The following ATP10A variants were observed in gnomAD, a reference collection of about 807,000 sequenced individuals.
ATP10A encodes phospholipid-transporting ATPase VA.
ATP10A carries 111 observed loss-of-function variants against 147.8 expected under a neutral mutation model. The ratio of observed to expected loss-of-function variants is 0.75; its 90% CI spans 0.64 to 0.88. The LOEUF (loss-of-function observed/expected upper bound fraction) is 0.88. Ranked by LOEUF, ATP10A falls within the 40% of genes least tolerant of loss-of-function variation. The probability of loss-of-function intolerance (pLI) is 0.00; values close to 1 mark genes in which losing one functional copy is unlikely to be tolerated. For missense variants in ATP10A, 1,927 were observed against 1,959.0 expected (o/e 0.98, Z 0.31); for synonymous variants, 875 against 841.6 (o/e 1.04, Z -0.69).
chr15:25,727,120 C>T (rs751457391), intron 4 of ATP10A, 40 bp downstream of exon 4: 9 of 1,428,222 alleles, frequency 6.3e-6, no homozygotes, highest in South Asian at 3.4e-5. Flanking sequence ...GAGAACACAG[C>T]GCTGTCTGGC....
chr15:25,755,477 T>C (rs941995800), intron 2 of ATP10A, among the ~76,000 whole-genome samples: 4 of 152,208 alleles, frequency 2.6e-5, no homozygotes, highest in Admixed American at 1.3e-4. Flanking sequence ...TTCAGCTCCA[T>C]GGCAACCAAC....
intron 13 of ATP10A, among the ~76,000 whole-genome samples, chr15:25,695,994 G>A (rs1900316125): frequency 6.6e-6 from 1 of 152,076 alleles, no homozygotes; most frequent in African/African-American, 2.4e-5. Context: ...GGATTCCAGA[G>A]AAAGGAGGAA....
chr15:25,679,540 G>A lies in ATP10A; in HGVS notation c.4301C>T (p.Thr1434Ile). 6.2e-7 allele frequency: 1 copy of A among 1,613,134 alleles called. No individual in the cohort carries two copies. The highest frequency in any genetic ancestry group is 8.5e-7 in the Non-Finnish European group (1 of 1,179,262). The change falls in exon 21 of 21, where the codon ACC (threonine) becomes ATC (isoleucine). Residue 1434 changes from threonine to isoleucine, a missense_variant. By Grantham distance (89) the Thr-to-Ile change is moderately conservative. Coordinates refer to ENST00000555815, the MANE Select transcript of ATP10A (RefSeq NM_024490.4). ...GGAAATCCAGTTGAGTAAGCTGAAG[G>A]TAGGCAGGCTGAAGAGGGAAGACAG... ...TPLSSLFSLP[T>I]FSLLNWISSW...
chr15:25,770,223 C>G lies in ATP10A; in HGVS notation c.654+10796G>C, dbSNP rs1347152626. Among the ~76,000 whole-genome samples, 5 of 151,660 alleles carry G rather than the reference C, an allele frequency of 3.3e-5. No individual in the cohort carries two copies. The East Asian group carries it at 9.7e-4, about 29-fold the overall frequency. The stretch of plus-strand genomic sequence containing the variant: ...CGACCCGGGCGAGGTGGGGAGGGGC[C>G]CCACCCATGTTTTCAGCCATTCCAG... On this transcript the variant is annotated intron_variant, in intron 2 of 20. Transcript: ENST00000555815.
rs907665092 is a variant in ATP10A at position 25,725,918 on chromosome 15, C to G, written c.979+33G>C. ...CGGGCACGAGCCACTGCGCCTGGCC[C>G]CCACTCATTTCCGATCCATCTAGGA... On this transcript the variant is annotated intron_variant, in intron 5 of 20. Coordinates refer to ENST00000555815, the MANE Select transcript of ATP10A (RefSeq NM_024490.4). 4.4e-6 allele frequency: 7 copies of G among 1,586,902 alleles called. No individual in the cohort carries two copies. In the African/African-American group the frequency reaches 6.7e-5, roughly 15 times the overall value.
rs144544181 is a variant in ATP10A at position 25,836,446 on chromosome 15, C to T, written c.449+26202G>A. On this transcript the variant is annotated intron_variant, in intron 1 of 20. Transcript: ENST00000555815. Reference sequence around the variant, plus strand: ...AGAAACACACCCAACAACAGAGTGGCAACACTGGCTGCAAAATGAGAAGCA... The same window carrying T: ...AGAAACACACCCAACAACAGAGTGGTAACACTGGCTGCAAAATGAGAAGCA... 7.8e-3 allele frequency among the ~76,000 whole-genome samples: 1,187 copies of T among 152,268 alleles called. 14 individuals are homozygous for T. Among genetic ancestry groups the T allele is most frequent in the African/African-American group, 0.026 (1,069 of 41,554 alleles).
chr15:25,815,328 C>T (rs1023597724), intron 1 of ATP10A, among the ~76,000 whole-genome samples: 1 of 152,198 alleles, frequency 6.6e-6, no homozygotes, highest in East Asian at 1.9e-4. Flanking sequence ...GATGTGACCA[C>T]GGGCAGGCTG....
intron 1 of ATP10A, among the ~76,000 whole-genome samples, chr15:25,818,287 T>G (rs974184009): frequency 6.6e-6 from 1 of 152,184 alleles, no homozygotes; most frequent in Non-Finnish European, 1.5e-5. Context: ...ATATTTGCTC[T>G]TTATAGGAGA....
chr15:25,694,795 C>T (rs754912285), intron 14 of ATP10A, 24 bp downstream of exon 14: 21 of 1,580,896 alleles, frequency 1.3e-5, no homozygotes, highest in African/African-American at 2.7e-5. Context: ...GGGAGGAGGC[C>T]GTCTGGCCAG....
At chr15:25,826,460 G>T (rs922723096) in intron 1 of ATP10A, among the ~76,000 whole-genome samples, 3 of 152,140 alleles carry the variant, frequency 2.0e-5, no homozygotes, top group Non-Finnish European at 4.4e-5. Context: ...TACTTGAGAG[G>T]CTGAGGTGGG....
At chr15:25,688,387 G>A (rs8043031) in intron 15 of ATP10A, among the ~76,000 whole-genome samples, 7,791 of 152,206 alleles carry the variant, frequency 0.051, 243 homozygotes, top group East Asian at 0.13. Flanking sequence ...CGCCGGGTGC[G>A]GGCAGTGGCC....
intron 1 of ATP10A, among the ~76,000 whole-genome samples, chr15:25,807,034 G>T (rs1317228579): frequency 6.6e-6 from 1 of 152,236 alleles, no homozygotes; most frequent in South Asian, 2.1e-4. Flanking sequence ...CCACCGGGCT[G>T]GAAAGAGCAG....
intron 1 of ATP10A, among the ~76,000 whole-genome samples, chr15:25,791,854 T>C (rs904679852): frequency 1.3e-5 from 2 of 152,244 alleles, no homozygotes; most frequent in Non-Finnish European, 2.9e-5. Context: ...CATAATTTTG[T>C]TATATAATCC....
intron 17 of ATP10A, among the ~76,000 whole-genome samples, chr15:25,683,056 TG>T (rs1289236834): frequency 6.6e-6 from 1 of 152,144 alleles, no homozygotes; most frequent in African/African-American, 2.4e-5. Flanking sequence ...GGGCTTTTCT[TG>T]GGCTCCTGGA....
chr15:25,707,996 T>C lies in ATP10A; in HGVS notation c.2555A>G (p.Glu852Gly). The C allele has an allele frequency of 1.2e-6, 2 of 1,614,196 alleles. No individual in the cohort carries two copies. The highest frequency in any genetic ancestry group is 1.7e-6 in the Non-Finnish European group (2 of 1,180,042). The change falls in exon 12 of 21, where the codon GAG (glutamate) becomes GGG (glycine). Residue 852 changes from glutamate (E) to glycine (G), a missense_variant. Transcript: ENST00000555815. ...ELLFQSAIRL[E>G]TNLHLLGATG... is the part of the protein sequence containing the mutation. The stretch of plus-strand genomic sequence containing the variant: ...ATTACCTAACAAGTGCAGGTTGGTC[T>C]CCAGGCGAATGGCAGACTGGAAGAG...
chr15:25,817,677 G>A (rs767328495), intron 1 of ATP10A, among the ~76,000 whole-genome samples: 1 of 152,100 alleles, frequency 6.6e-6, no homozygotes, highest in Non-Finnish European at 1.5e-5. Context: ...GGAGGACACT[G>A]ATCATCACCA....
chr15:25,776,065 T>C (rs1889590585), intron 2 of ATP10A, among the ~76,000 whole-genome samples: 1 of 152,232 alleles, frequency 6.6e-6, no homozygotes, highest in Non-Finnish European at 1.5e-5. Flanking sequence ...AGAAACATAA[T>C]AAATGCTCAG....
At chr15:25,808,736 A>C (rs1891304895) in intron 1 of ATP10A, among the ~76,000 whole-genome samples, 1 of 151,824 alleles carries the variant, frequency 6.6e-6, no homozygotes, top group East Asian at 1.9e-4. Context: ...TTTTTACCCC[A>C]CTCTTTTCCC....
At chr15:25,796,212 G>A (rs973634530) in intron 1 of ATP10A, among the ~76,000 whole-genome samples, 2 of 152,152 alleles carry the variant, frequency 1.3e-5, no homozygotes, top group Admixed American at 1.3e-4. Context: ...CACGGTGGGA[G>A]GAGTTCGAGA....
Sources: allele counts gnomAD v4.1 joint callset (sites outside exome capture counted in the v4.1 genomes callset), GRCh38; gene constraint gnomAD v4.1.1; transcripts MANE v1.5; gene names NCBI Gene and HGNC (gene_info 2026-07-23, HGNC 2026-07-21).